The following CNTNAP4 variants were observed in gnomAD, a reference collection of about 807,000 sequenced individuals.
CNTNAP4 encodes contactin-associated protein-like 4.
In CNTNAP4, 98 loss-of-function variants were observed where a neutral mutation model predicts 148.4. The observed-to-expected ratio is 0.66, with a 90% CI of 0.56 to 0.78. The LOEUF is 0.78. Ranked by LOEUF, CNTNAP4 falls within the 30% of genes least tolerant of loss-of-function variation. The probability of loss-of-function intolerance (pLI) is 0.00; values close to 1 mark genes in which losing one functional copy is unlikely to be tolerated. For missense variants in CNTNAP4, 1,935 were observed against 1,565.6 expected (o/e 1.24, Z -3.98); for synonymous variants, 730 against 565.1 (o/e 1.29, Z -4.14).
At chr16:76,296,389 A>G (rs531322444) in intron 1 of CNTNAP4, among the ~76,000 whole-genome samples, 30 of 152,320 alleles carry the variant, frequency 2.0e-4, no homozygotes, top group African/African-American at 6.7e-4. Context: ...CTGAATTCCT[A>G]TAGCTGAGTT....
Position 76,308,340 on chromosome 16 carries a change from G to A in CNTNAP4, c.86-8073G>A, listed in dbSNP as rs142786586. Among the ~76,000 whole-genome samples, 634 of 152,262 alleles carry A rather than the reference G, an allele frequency of 4.2e-3. 4 individuals are homozygous for A. The highest frequency in any genetic ancestry group is 0.015 in the African/African-American group (609 of 41,546). On this transcript the variant is annotated intron_variant, in intron 1 of 23. Transcript: ENST00000611870. ...AGGTAATGATGAGAGGATGAGAGAC[G>A]ATGCCAGGATTGGCTCATATTTCAT...
chr16:76,525,220 G>C (rs962322839), intron 17 of CNTNAP4, among the ~76,000 whole-genome samples: 5 of 151,738 alleles, frequency 3.3e-5, no homozygotes, highest in African/African-American at 1.2e-4. Flanking sequence ...CCTGTAGGCA[G>C]ACTCAGTGAA....
chr16:76,376,671 ACT>A, intron 3 of CNTNAP4, among the ~76,000 whole-genome samples: 2 of 152,292 alleles, frequency 1.3e-5, no homozygotes, highest in South Asian at 4.1e-4. Context: ...GCTGTGTGCA[ACT>A]GTGCATACAC....
chr16:76,318,764 A>G (rs1413154290), intron 2 of CNTNAP4, among the ~76,000 whole-genome samples: 1 of 136,470 alleles, frequency 7.3e-6, no homozygotes, highest in African/African-American at 2.9e-5. Flanking sequence ...AATATTCATA[A>G]TAATAATCAT....
chr16:76,545,003 C>T (rs1295479494), intron 21 of CNTNAP4, among the ~76,000 whole-genome samples: 2 of 152,068 alleles, frequency 1.3e-5, no homozygotes, highest in African/African-American at 4.8e-5. Context: ...AGAGGTGAGA[C>T]AAAAGGTGAC....
chr16:76,554,683 A>G (rs2085115985), intron 23 of CNTNAP4, among the ~76,000 whole-genome samples: 1 of 152,110 alleles, frequency 6.6e-6, no homozygotes, highest in South Asian at 2.1e-4. Context: ...ATACGGATAT[A>G]GAAAGTAAAC....
intron 2 of CNTNAP4, among the ~76,000 whole-genome samples, chr16:76,322,937 C>G (rs1395470779): frequency 6.6e-6 from 1 of 151,790 alleles, no homozygotes; most frequent in African/African-American, 2.4e-5. Context: ...TGGGTTCAAG[C>G]GAGTCTCGTG....
In CNTNAP4 at chr16:76,322,751, T is replaced by C. The variant is rs72794950; in HGVS notation, c.196+6228T>C. ...TTAGCAAACTAAATATATATACTCATTTATATAAAGGTAATCTCAGAGAAT... is the reference window on the plus strand; with the variant it reads ...TTAGCAAACTAAATATATATACTCACTTATATAAAGGTAATCTCAGAGAAT... On this transcript the variant is annotated intron_variant, in intron 2 of 23. Transcript: ENST00000611870. 9.4e-3 allele frequency among the ~76,000 whole-genome samples: 1,436 copies of C among 152,312 alleles called. 11 individuals are homozygous for C. The highest frequency in any genetic ancestry group is 0.024 in the South Asian group (114 of 4,830).
At chr16:76,300,738 C>T (rs1959872122) in intron 1 of CNTNAP4, among the ~76,000 whole-genome samples, 2 of 152,050 alleles carry the variant, frequency 1.3e-5, no homozygotes, top group Admixed American at 1.3e-4. Flanking sequence ...CTATAATTAA[C>T]ATTTTTCTCT....
In CNTNAP4 at chr16:76,554,328, A is replaced by G. The variant is rs541067776; in HGVS notation, c.3733+421A>G. On this transcript the variant is annotated intron_variant, in intron 23 of 23. Coordinates refer to ENST00000611870, the MANE Select transcript of CNTNAP4 (RefSeq NM_033401.5). ...AGGAAAAACCTGAGATTAACACTAG[A>G]AGCATATATTTTGTATTGCCTCAAG... is the stretch of plus-strand genomic sequence containing the variant. Among the ~76,000 whole-genome samples the G allele has an allele frequency of 3.9e-5, 6 of 152,334 alleles. No homozygotes were observed. The East Asian group carries it at 1.2e-3, about 29-fold the overall frequency.
chr16:76,401,963 T>A (rs1265532893), intron 3 of CNTNAP4, among the ~76,000 whole-genome samples: 1 of 152,190 alleles, frequency 6.6e-6, no homozygotes, highest in Non-Finnish European at 1.5e-5. Flanking sequence ...GTTGAGGATT[T>A]TTGTATCAGT....
chr16:76,454,457 T>C (rs573424867), intron 8 of CNTNAP4, among the ~76,000 whole-genome samples: 1 of 152,324 alleles, frequency 6.6e-6, no homozygotes, highest in East Asian at 1.9e-4. Flanking sequence ...TATAATATAA[T>C]CTGTTATGAC....
chr16:76,552,973 A>G (rs1328755644), intron 21 of CNTNAP4, among the ~76,000 whole-genome samples: 1 of 152,164 alleles, frequency 6.6e-6, no homozygotes, highest in East Asian at 1.9e-4. Context: ...GCAATAATCT[A>G]TATTTAAATT....
At chr16:76,379,937 C>T (rs1047592431) in intron 3 of CNTNAP4, among the ~76,000 whole-genome samples, 2 of 151,592 alleles carry the variant, frequency 1.3e-5, no homozygotes, top group Non-Finnish European at 2.9e-5. Flanking sequence ...TGTGGATCTT[C>T]ATGACCTCAG....
intron 3 of CNTNAP4, among the ~76,000 whole-genome samples, chr16:76,411,996 C>A (rs1357633906): frequency 6.6e-6 from 1 of 151,376 alleles, no homozygotes. Context: ...ACCATGAATT[C>A]TATTGCCATA....
rs998549086 is a variant in CNTNAP4 at position 76,421,339 on chromosome 16, G to A, written c.391-6113G>A. ...TTTTGCAAATTGAGATGTATTATAC[G>A]TGCAGCTCAAAACTTAACATTCTAA... On this transcript the variant is annotated intron_variant, in intron 3 of 23. Coordinates refer to ENST00000611870, the MANE Select transcript of CNTNAP4 (RefSeq NM_033401.5). Among the ~76,000 whole-genome samples the A allele has an allele frequency of 4.6e-5, 7 of 151,794 alleles. No homozygotes were observed. In the South Asian group the frequency reaches 6.2e-4, roughly 14 times the overall value.
Position 76,535,665 on chromosome 16 carries a change from G to C in CNTNAP4, c.2876G>C (p.Arg959Thr). 6.2e-7 allele frequency: 1 copy of C among 1,614,066 alleles called. No homozygotes were observed. The highest frequency in any genetic ancestry group is 1.7e-5 in the Admixed American group (1 of 60,020). Residue 959 changes from arginine (R) to threonine (T), a missense_variant, in exon 18 of 24, where the codon AGG (arginine) becomes ACG (threonine). Coordinates refer to ENST00000611870, the MANE Select transcript of CNTNAP4 (RefSeq NM_033401.5). ...ACTCCAGAAGTGCAGCCAGGTTGTA[G>C]GGGACATTGCAGCAGCTATGGGAAG... ...QVTPEVQPGC[R>T]GHCSSYGKLC...
intron 2 of CNTNAP4, among the ~76,000 whole-genome samples, chr16:76,354,348 G>A (rs2012279143): frequency 6.6e-6 from 1 of 152,112 alleles, no homozygotes; most frequent in South Asian, 2.1e-4. Flanking sequence ...GGTGTGTGTT[G>A]GATCAAATAT....
intron 9 of CNTNAP4, among the ~76,000 whole-genome samples, chr16:76,466,944 T>C (rs2081195302): frequency 6.6e-6 from 1 of 152,158 alleles, no homozygotes; most frequent in East Asian, 1.9e-4. Flanking sequence ...TCATTATTAA[T>C]GTATCTTTTC....
Sources: gnomAD v4.1 joint callset for allele counts (sites outside exome capture counted in the v4.1 genomes callset) on GRCh38, gnomAD v4.1.1 for gene constraint, MANE v1.5 for transcripts, NCBI Gene and HGNC (gene_info 2026-07-23, HGNC 2026-07-21) for gene names.